Variants in GPR39 observed in about 807,000 individuals in gnomAD.
GPR39 encodes the protein zinc sensing receptor.
A neutral mutation model predicts 18.4 loss-of-function variants in GPR39; 23 were observed. The ratio of observed to expected loss-of-function variants is 1.25; its 90% CI spans 0.90 to 1.77. The LOEUF is 1.77. GPR39 is among the 40% of genes most tolerant of loss of function. The pLI is 0.00. For synonymous variants in GPR39, 280 were observed against 257.9 expected (o/e 1.09, Z -0.82); for missense variants, 647 against 602.4 (o/e 1.07, Z -0.78).
chr2:132,631,826 T>TC (rs1336079856), intron 1 of GPR39, among the ~76,000 whole-genome samples: 8 of 148,166 alleles, frequency 5.4e-5, no homozygotes, highest in East Asian at 2.0e-4. Flanking sequence ...TTCTTCTTCT[T>TC]TTTTTTTTTT....
At chr2:132,574,426 CTT>C (rs943820867) in intron 1 of GPR39, among the ~76,000 whole-genome samples, 1 of 152,130 alleles carries the variant, frequency 6.6e-6, no homozygotes, top group Non-Finnish European at 1.5e-5. Flanking sequence ...CACAGGAACT[CTT>C]TATATGTTAA....
chr2:132,505,658 C>T (rs1397720409), intron 1 of GPR39, among the ~76,000 whole-genome samples: 1 of 152,148 alleles, frequency 6.6e-6, no homozygotes, highest in Non-Finnish European at 1.5e-5. Context: ...TAATATTTGT[C>T]TTTCTGTGCC....
intron 1 of GPR39, among the ~76,000 whole-genome samples, chr2:132,609,850 C>T (rs1262702753): frequency 6.6e-6 from 1 of 152,140 alleles, no homozygotes; most frequent in East Asian, 1.9e-4. Context: ...GAGGTACTTC[C>T]TTTGTGTCCT....
intron 1 of GPR39, among the ~76,000 whole-genome samples, chr2:132,510,604 A>C (rs1156578262): frequency 6.6e-6 from 1 of 152,196 alleles, no homozygotes; most frequent in African/African-American, 2.4e-5. Context: ...TGAGAATCAC[A>C]ACTGAGAAAG....
chr2:132,578,084 T>TA (rs1553457820), intron 1 of GPR39, among the ~76,000 whole-genome samples: 1 of 151,300 alleles, frequency 6.6e-6, no homozygotes, highest in Admixed American at 6.6e-5. Flanking sequence ...TTTTTTTTTT[T>TA]ATAAATGGGT....
chr2:132,563,459 A>G (rs903342434), intron 1 of GPR39, among the ~76,000 whole-genome samples: 4 of 152,194 alleles, frequency 2.6e-5, no homozygotes, highest in African/African-American at 9.7e-5. Context: ...CTATAGTTCC[A>G]GCTACTTGGG....
In GPR39 at chr2:132,630,626, T is replaced by A. The variant is rs139385098; in HGVS notation, c.857-14475T>A. ...AAATAATCCTGGCTTGTATGGAGAA[T>A]GGCTTGAGCAGGAGTGACAGGGAGA... On this transcript the variant is annotated intron_variant, in intron 1 of 1. Transcript: ENST00000329321. Among the ~76,000 whole-genome samples the A allele has an allele frequency of 5.9e-5, 9 of 152,258 alleles. No individual in the cohort carries two copies. In the East Asian group the frequency reaches 1.5e-3, roughly 26 times the overall value.
chr2:132,574,894 C>G (rs1225232918), intron 1 of GPR39, among the ~76,000 whole-genome samples: 1 of 152,112 alleles, frequency 6.6e-6, no homozygotes, highest in African/African-American at 2.4e-5. Context: ...ATTAAACAGG[C>G]ACTAAGGAGA....
intron 1 of GPR39, among the ~76,000 whole-genome samples, chr2:132,640,478 T>G (rs555333103): frequency 6.6e-6 from 1 of 152,336 alleles, no homozygotes; most frequent in South Asian, 2.1e-4. Flanking sequence ...TGCAAGGCTG[T>G]CTGGAGTATA....
At chr2:132,425,878 TC>T (rs572390000) in intron 1 of GPR39, among the ~76,000 whole-genome samples, 135 of 151,644 alleles carry the variant, frequency 8.9e-4, no homozygotes, top group African/African-American at 2.9e-3. Flanking sequence ...GAGGTAAAAT[TC>T]CCCCCCAGAA....
chr2:132,503,096 A>T (rs966383376), intron 1 of GPR39, among the ~76,000 whole-genome samples: 2 of 152,130 alleles, frequency 1.3e-5, no homozygotes, highest in Non-Finnish European at 2.9e-5. Flanking sequence ...CTTGGTTTGG[A>T]TCCATTGCTG....
intron 1 of GPR39, among the ~76,000 whole-genome samples, chr2:132,642,878 GA>G (rs57152989): frequency 1.3e-4 from 20 of 151,718 alleles, no homozygotes; most frequent in Admixed American, 6.6e-4. Context: ...ACAGGAAAGA[GA>G]AAAAAAATGC....
rs142574769 is a variant in GPR39 at position 132,460,720 on chromosome 2, CT to C, written c.856+42832del. ...CTGCCAACAATTTCTCTGTCTCTGT[CT>C]TTTTTTTTTCCTTACCTTTAACTTT... On this transcript the variant is annotated intron_variant, in intron 1 of 1. Coordinates refer to ENST00000329321, the MANE Select transcript of GPR39 (RefSeq NM_001508.3). Among the ~76,000 whole-genome samples the C allele has an allele frequency of 8.8e-3, 1,324 of 149,886 alleles. 16 individuals carry two copies. Among genetic ancestry groups the C allele is most frequent in the African/African-American group, 0.03 (1,221 of 40,920 alleles).
chr2:132,630,392 G>A (rs547715782), intron 1 of GPR39, among the ~76,000 whole-genome samples: 1 of 152,212 alleles, frequency 6.6e-6, no homozygotes, highest in Non-Finnish European at 1.5e-5. Flanking sequence ...TGAGGCAGGA[G>A]TGAGTTGGCT....
At chr2:132,570,369 A>G (rs1477535798) in intron 1 of GPR39, among the ~76,000 whole-genome samples, 2 of 151,332 alleles carry the variant, frequency 1.3e-5, no homozygotes, top group Non-Finnish European at 2.9e-5. Context: ...CTCCAGCCGC[A>G]CTTCCTCACT....
chr2:132,578,911 A>C (rs1261794146), intron 1 of GPR39, among the ~76,000 whole-genome samples: 2 of 151,952 alleles, frequency 1.3e-5, no homozygotes, highest in African/African-American at 4.8e-5. Context: ...CAAGTTCATC[A>C]ATCTTTTCAA....
chr2:132,620,954 G>A (rs1445266177), intron 1 of GPR39, among the ~76,000 whole-genome samples: 1 of 152,042 alleles, frequency 6.6e-6, no homozygotes, highest in Admixed American at 6.6e-5. Flanking sequence ...GGGTTTCATT[G>A]TGTTAGCCAG....
At chr2:132,447,125 G>T (rs149975267) in intron 1 of GPR39, among the ~76,000 whole-genome samples, 3 of 152,134 alleles carry the variant, frequency 2.0e-5, no homozygotes, top group African/African-American at 7.2e-5. Context: ...TGCAGTAACC[G>T]CCAGCCTGGT....
intron 1 of GPR39, among the ~76,000 whole-genome samples, chr2:132,603,490 G>T (rs552849140): frequency 6.6e-6 from 1 of 151,904 alleles, no homozygotes; most frequent in Non-Finnish European, 1.5e-5. Context: ...ATGATATATC[G>T]TATGTTTTCA....
Sources: allele counts gnomAD v4.1 joint callset (sites outside exome capture counted in the v4.1 genomes callset), GRCh38; gene constraint gnomAD v4.1.1; transcripts MANE v1.5; gene names NCBI Gene and HGNC (gene_info 2026-07-23, HGNC 2026-07-21).